Variants in ZNF277 observed in about 807,000 individuals in gnomAD.
The protein encoded by ZNF277 is zinc finger protein 277.
Under a neutral mutation model 60.7 loss-of-function variants are expected in ZNF277, and 55 were observed. The observed-to-expected ratio is 0.91, with a 90% CI of 0.73 to 1.13. ZNF277 has a LOEUF of 1.13. ZNF277 is among the 50% of genes most tolerant of loss of function. The pLI is 0.00. For missense variants in ZNF277, 510 were observed against 523.0 expected, an observed-to-expected ratio of 0.98 and a Z score of 0.24; for synonymous variants, 178 against 179.3, an observed-to-expected ratio of 0.99 and a Z score of 0.06.
At chr7:112,338,369 C>A (rs567739820) in intron 9 of ZNF277, among the ~76,000 whole-genome samples, 1 of 152,134 alleles carries the variant, frequency 6.6e-6, no homozygotes, top group South Asian at 2.1e-4. Context: ...CCTTTTTCAC[C>A]CCAGTATACC....
chr7:112,327,569 T>C (rs1793127995), intron 5 of ZNF277, 148 bp from the exon 6 acceptor site: 13 of 633,948 alleles, frequency 2.1e-5, no homozygotes, highest in South Asian at 1.9e-4. Context: ...CTTTATAATG[T>C]CACTCTTTAA....
chr7:112,276,298 G>T (rs983627304), intron 1 of ZNF277, among the ~76,000 whole-genome samples: 16 of 152,174 alleles, frequency 1.1e-4, no homozygotes, highest in African/African-American at 3.9e-4. Flanking sequence ...TAATATTTTG[G>T]TAGGATAGTT....
intron 1 of ZNF277, among the ~76,000 whole-genome samples, chr7:112,215,758 C>A (rs1821862749): frequency 6.6e-6 from 1 of 152,170 alleles, no homozygotes; most frequent in Non-Finnish European, 1.5e-5. Flanking sequence ...CCCCTCCCTG[C>A]AAGTAATCAC....
chr7:112,266,480 C>T (rs1369564221), intron 1 of ZNF277, among the ~76,000 whole-genome samples: 1 of 152,070 alleles, frequency 6.6e-6, no homozygotes, highest in Admixed American at 6.5e-5. Context: ...TATATAGTTA[C>T]TGTCTGGCCA....
intron 1 of ZNF277, among the ~76,000 whole-genome samples, chr7:112,242,557 CA>C (rs34058145): frequency 0.42 from 41,989 of 99,122 alleles, 6,669 homozygotes; most frequent in African/African-American, 0.59. Flanking sequence ...TAATAGCTAC[CA>C]AAAAAAAAAA....
chr7:112,330,553 T>C lies in ZNF277; in HGVS notation c.801+337T>C, dbSNP rs1256246593. The C allele has an allele frequency of 2.7e-3, 679 of 251,358 alleles. 1 individual carries two copies. The highest frequency in any genetic ancestry group is 0.015 in the African/African-American group (638 of 43,094). 15.6% of individuals were successfully genotyped at this position (251,358 alleles called of 1,614,324 possible). A position where few individuals can be genotyped will look rare whatever the true frequency, so the allele number is the denominator to read the frequency against. On this transcript the variant is annotated intron_variant, in intron 7 of 11. Coordinates refer to ENST00000361822, the MANE Select transcript of ZNF277 (RefSeq NM_021994.3). ...TTGGGGCCAGAGACTCCTTTCTTTT[T>C]TTTTTTTTTTTTTTTTTTCTTTTTT...
At chr7:112,284,617 T>C (rs896051000) in intron 1 of ZNF277, among the ~76,000 whole-genome samples, 1 of 152,160 alleles carries the variant, frequency 6.6e-6, no homozygotes, top group Non-Finnish European at 1.5e-5. Context: ...AACACCAGTT[T>C]TGTTAATAGT....
chr7:112,268,953 C>T (rs887932661), intron 1 of ZNF277, among the ~76,000 whole-genome samples: 2 of 152,106 alleles, frequency 1.3e-5, no homozygotes, highest in African/African-American at 4.8e-5. Flanking sequence ...ACCATGCAGT[C>T]AACCCACAGA....
At chr7:112,257,762 T>A (rs1046118921) in intron 1 of ZNF277, among the ~76,000 whole-genome samples, 1 of 152,178 alleles carries the variant, frequency 6.6e-6, no homozygotes, top group East Asian at 1.9e-4. Flanking sequence ...TCACTCCCAA[T>A]GTTATCACAA....
chr7:112,208,498 G>A (rs1402581187), intron 1 of ZNF277, among the ~76,000 whole-genome samples: 1 of 151,290 alleles, frequency 6.6e-6, no homozygotes, highest in African/African-American at 2.4e-5. Context: ...AGTGTATGAA[G>A]TAAAAAAAAT....
At chr7:112,341,725 G>T (rs989868873) in intron 11 of ZNF277, among the ~76,000 whole-genome samples, 1 of 152,124 alleles carries the variant, frequency 6.6e-6, no homozygotes, top group Non-Finnish European at 1.5e-5. Context: ...TTCTCACATC[G>T]TTCTGGATAA....
chr7:112,326,743 G>C (rs1420185475), intron 5 of ZNF277, among the ~76,000 whole-genome samples: 1 of 151,458 alleles, frequency 6.6e-6, no homozygotes, highest in African/African-American at 2.4e-5. Context: ...ATTTTTTTGG[G>C]GGGGGACCAG....
intron 8 of ZNF277, 86 bp from the exon 9 acceptor site, chr7:112,337,644 A>G (rs1793358736): frequency 1.7e-6 from 2 of 1,144,814 alleles, no homozygotes; most frequent in South Asian, 3.1e-5. Context: ...GTTTTTTAGT[A>G]AGGAGAAAGC....
At chr7:112,213,119 G>A (rs1033058791) in intron 1 of ZNF277, among the ~76,000 whole-genome samples, 15 of 152,152 alleles carry the variant, frequency 9.9e-5, no homozygotes, top group African/African-American at 3.6e-4. Context: ...TCTTTCCTGT[G>A]CTGTTCTCAT....
intron 1 of ZNF277, among the ~76,000 whole-genome samples, chr7:112,226,892 A>G (rs1384608966): frequency 6.6e-6 from 1 of 152,188 alleles, no homozygotes; most frequent in African/African-American, 2.4e-5. Context: ...CAGCTTCAAA[A>G]TGATTCATAG....
intron 1 of ZNF277, among the ~76,000 whole-genome samples, chr7:112,228,866 G>A (rs545736273): frequency 6.6e-6 from 1 of 152,236 alleles, no homozygotes; most frequent in East Asian, 1.9e-4. Context: ...TATTCATTGT[G>A]TGACCTTAGA....
Position 112,343,008 on chromosome 7 carries a change from T to C in ZNF277, c.*279T>C, listed in dbSNP as rs1369839498. ...GATCATCTTAAATTATCTCACTTCA[T>C]TAAACTCATAATTATATATAGAAGT... On this transcript the variant is annotated 3_prime_UTR_variant, in exon 12 of 12. Coordinates refer to ENST00000361822, the MANE Select transcript of ZNF277 (RefSeq NM_021994.3). 4.8e-6 allele frequency: 1 copy of C among 209,320 alleles called. No individual in the cohort carries two copies. The highest frequency in any genetic ancestry group is 2.3e-5 in the African/African-American group (1 of 43,522). 13.0% of individuals were successfully genotyped at this position (209,320 alleles called of 1,614,324 possible). A position where few individuals can be genotyped will look rare whatever the true frequency, so the allele number is the denominator to read the frequency against.
At chr7:112,323,312 G>C (rs528667368) in intron 5 of ZNF277, among the ~76,000 whole-genome samples, 1 of 152,176 alleles carries the variant, frequency 6.6e-6, no homozygotes, top group East Asian at 1.9e-4. Flanking sequence ...CCTATTGTTT[G>C]CTGCAATTAG....
At chr7:112,220,529 G>T (rs183420403) in intron 1 of ZNF277, among the ~76,000 whole-genome samples, 4 of 152,238 alleles carry the variant, frequency 2.6e-5, no homozygotes, top group South Asian at 2.1e-4. Context: ...AACTGTTCTG[G>T]CCAGGGCTTC....
Sources: gnomAD v4.1 joint callset for allele counts (sites outside exome capture counted in the v4.1 genomes callset) on GRCh38, gnomAD v4.1.1 for gene constraint, MANE v1.5 for transcripts, NCBI Gene and HGNC (gene_info 2026-07-23, HGNC 2026-07-21) for gene names.